The following KMT5A variants were observed in gnomAD, a reference collection of about 807,000 sequenced individuals.
The protein encoded by KMT5A is lysine methyltransferase 5A, also known as N-lysine methyltransferase KMT5A.
A neutral mutation model predicts 40.6 loss-of-function variants in KMT5A; 6 were observed. That is an observed-to-expected ratio of 0.15 (90% CI 0.08 to 0.29). The LOEUF is 0.29. KMT5A is among the 10% of genes least tolerant of loss of function. The pLI, the probability that KMT5A is intolerant of heterozygous loss-of-function variation, is 1.00. For missense variants in KMT5A, 308 were observed against 459.1 expected (o/e 0.67, Z 3.01); for synonymous variants, 153 against 178.8 (o/e 0.86, Z 1.15).
At chr12:123,403,346 C>T (rs971895118) in intron 5 of KMT5A, among the ~76,000 whole-genome samples, 8 of 152,202 alleles carry the variant, frequency 5.3e-5, no homozygotes, top group African/African-American at 1.7e-4. Context: ...CCTCCTGATC[C>T]AGTTGAACCC....
At chr12:123,387,449 T>C (rs1876945190) in intron 1 of KMT5A, among the ~76,000 whole-genome samples, 1 of 152,214 alleles carries the variant, frequency 6.6e-6, no homozygotes. Context: ...CTGCAAAACT[T>C]CTCTGCCTTG....
At chr12:123,405,426 C>T (rs1878463162) in intron 7 of KMT5A, among the ~76,000 whole-genome samples, 2 of 151,348 alleles carry the variant, frequency 1.3e-5, no homozygotes, top group African/African-American at 4.9e-5. Flanking sequence ...CCGCCTTGGC[C>T]TTCCAAAGTG....
chr12:123,404,876 C>T lies in KMT5A; in HGVS notation c.658-8C>T, dbSNP rs758405354. ...TATGAACCAACACCCTCTCTTATCACCTGACAGATTGACCTCATCGATGGC... is the reference window on the plus strand; with the variant it reads ...TATGAACCAACACCCTCTCTTATCATCTGACAGATTGACCTCATCGATGGC... On this transcript the variant is annotated splice_region_variant and splice_polypyrimidine_tract_variant and intron_variant, in intron 6 of 7. Transcript: ENST00000402868. 21 of 1,610,214 alleles carry T rather than the reference C, an allele frequency of 1.3e-5. No individual in the cohort carries two copies. The highest frequency in any genetic ancestry group is 1.7e-5 in the Non-Finnish European group (20 of 1,178,602).
intron 5 of KMT5A, among the ~76,000 whole-genome samples, chr12:123,397,492 T>C (rs984372110): frequency 4.6e-5 from 7 of 152,148 alleles, no homozygotes; most frequent in Non-Finnish European, 7.4e-5. Flanking sequence ...TAGTATTCTT[T>C]CTCTTTTTCT....
chr12:123,396,449 A>C lies in KMT5A; in HGVS notation c.597+17A>C. On this transcript the variant is annotated intron_variant, in intron 5 of 7. Transcript: ENST00000402868. The stretch of plus-strand genomic sequence containing the variant: ...GAGCTGCAGGTAGTCACGTGCTTTA[A>C]ATTCCAGTTTGTGGAGGGGCAGGGT... 1.2e-6 allele frequency: 2 copies of C among 1,613,550 alleles called. No individual in the cohort carries two copies. The highest frequency in any genetic ancestry group is 1.7e-6 in the Non-Finnish European group (2 of 1,179,658).
rs765318571 is a variant in KMT5A, at chr12:123,384,169, G to C, written c.-30G>C. 1.2e-6 allele frequency: 2 copies of C among 1,613,542 alleles called. No individual in the cohort carries two copies. Among genetic ancestry groups the C allele is most frequent in the South Asian group, 2.2e-5 (2 of 91,038 alleles). The stretch of plus-strand genomic sequence containing the variant: ...CTTTTTTCGAAAGCTGGGTTTCCCG[G>C]GAGATCCCAGGCGGTGACAGAGTGG... On this transcript the variant is annotated 5_prime_UTR_variant, in exon 1 of 8. Transcript: ENST00000402868. The surrounding 1 kb of genome is among the most constrained non-coding windows in gnomAD (Gnocchi z 5.7).
chr12:123,406,475 C>A lies in KMT5A; in HGVS notation c.849-1018C>A, dbSNP rs569707938. On this transcript the variant is annotated intron_variant, in intron 7 of 7. Coordinates refer to ENST00000402868, the MANE Select transcript of KMT5A (RefSeq NM_020382.7). ...GATTACAGGCATGCGCCACCACGCC[C>A]AGCTAATTTTGTATTTTTAGCACAG... Among the ~76,000 whole-genome samples, 86 of 152,178 alleles carry A rather than the reference C, an allele frequency of 5.7e-4. 1 individual carries two copies. Among genetic ancestry groups the A allele is most frequent in the African/African-American group, 1.9e-3 (77 of 41,554 alleles).
chr12:123,390,829 G>T lies in KMT5A; in HGVS notation c.289+43G>T, dbSNP rs746244056. ...CCTCGTTCTGATCCCAGCTGGTCGG[G>T]TTGCAGAAGCCTCTGTCCTCTGCAA... On this transcript the variant is annotated intron_variant, in intron 3 of 7. Coordinates refer to ENST00000402868, the MANE Select transcript of KMT5A (RefSeq NM_020382.7). 1.9e-6 allele frequency: 3 copies of T among 1,603,868 alleles called. No homozygotes were observed. The South Asian group carries it at 3.3e-5, about 18-fold the overall frequency.
At chr12:123,400,196 C>T (rs750927957) in intron 5 of KMT5A, among the ~76,000 whole-genome samples, 56 of 151,616 alleles carry the variant, frequency 3.7e-4, no homozygotes, top group Non-Finnish European at 6.5e-4. Flanking sequence ...CCACCACGCC[C>T]GGCTAATTTT....
rs193920812 is a variant in KMT5A, at chr12:123,395,044, C to T, written c.290-3C>T. 5 of 1,561,454 alleles carry T rather than the reference C, an allele frequency of 3.2e-6. No homozygotes were observed. The African/African-American group carries it at 5.5e-5, about 17-fold the overall frequency. ...CCCGTCTTTCCCCCACCTCCGCCTG[C>T]AGAGAAAAGAAATGCTGGGAACGCA... On this transcript the variant is annotated splice_region_variant and splice_polypyrimidine_tract_variant and intron_variant, in intron 3 of 7. Coordinates refer to ENST00000402868, the MANE Select transcript of KMT5A (RefSeq NM_020382.7).
At chr12:123,392,668 A>G (rs1156439232) in intron 3 of KMT5A, among the ~76,000 whole-genome samples, 5 of 152,106 alleles carry the variant, frequency 3.3e-5, no homozygotes, top group African/African-American at 4.8e-5. Flanking sequence ...CATCTCTAAT[A>G]TAAAAATAAA....
intron 5 of KMT5A, among the ~76,000 whole-genome samples, chr12:123,399,340 C>A (rs1877975198): frequency 6.6e-6 from 1 of 152,234 alleles, no homozygotes; most frequent in Non-Finnish European, 1.5e-5. Context: ...TTTAGAAAAC[C>A]CAGGGCTGGT....
intron 5 of KMT5A, among the ~76,000 whole-genome samples, chr12:123,403,322 G>T (rs927731308): frequency 2.0e-5 from 3 of 152,326 alleles, no homozygotes; most frequent in Middle Eastern, 3.4e-3. Context: ...CTGTTCTTGG[G>T]TCCCCACTGT....
intron 5 of KMT5A, among the ~76,000 whole-genome samples, chr12:123,400,592 C>T (rs751253084): frequency 1.8e-4 from 28 of 151,958 alleles, no homozygotes; most frequent in Non-Finnish European, 3.8e-4. Context: ...AACTCCTGAC[C>T]TTGTGATCCG....
intron 2 of KMT5A, 43 bp from the exon 3 acceptor site, chr12:123,390,587 T>A: frequency 6.2e-7 from 1 of 1,604,274 alleles, no homozygotes; most frequent in Non-Finnish European, 8.5e-7. Context: ...CTCTAGGATC[T>A]TCTTCTTCAA....
chr12:123,405,222 C>T (rs1362092999), intron 7 of KMT5A, 148 bp downstream of exon 7: 2 of 796,852 alleles, frequency 2.5e-6, no homozygotes, highest in Non-Finnish European at 3.8e-6. Context: ...GAGATGGAGT[C>T]TTGCTCTGTT....
chr12:123,393,802 A>C (rs1877486344), intron 3 of KMT5A, among the ~76,000 whole-genome samples: 1 of 152,038 alleles, frequency 6.6e-6, no homozygotes, highest in Non-Finnish European at 1.5e-5. Flanking sequence ...CCAGCCCTTC[A>C]TTCCTTTTTA....
intron 5 of KMT5A, among the ~76,000 whole-genome samples, chr12:123,396,816 T>C (rs888692016): frequency 3.3e-5 from 5 of 152,178 alleles, no homozygotes; most frequent in Non-Finnish European, 5.9e-5. Flanking sequence ...TCTGGAAGTT[T>C]CCATGTTGTG....
At chr12:123,400,023 G>A (rs1878026300) in intron 5 of KMT5A, among the ~76,000 whole-genome samples, 2 of 152,032 alleles carry the variant, frequency 1.3e-5, no homozygotes, top group South Asian at 2.1e-4. Context: ...GGGTTTCACT[G>A]CGTTGGCCAG....
Sources: gnomAD v4.1 joint callset for allele counts (sites outside exome capture counted in the v4.1 genomes callset) on GRCh38, gnomAD v4.1.1 for gene constraint, Gnocchi (gnomAD v3.1) non-coding constraint, MANE v1.5 for transcripts, NCBI Gene and HGNC (gene_info 2026-07-23, HGNC 2026-07-21) for gene names.